The following RBFOX3 variants were observed in gnomAD, a reference collection of about 807,000 sequenced individuals.
The protein encoded by RBFOX3 is RNA binding protein fox-1 homolog 3.
Under a neutral mutation model 48.7 loss-of-function variants are expected in RBFOX3, and 17 were observed. The ratio of observed to expected loss-of-function variants is 0.35; its 90% CI spans 0.24 to 0.52. The LOEUF (loss-of-function observed/expected upper bound fraction) is 0.52, where lower values mean the gene tolerates loss of function less well. Among genes scored for constraint, RBFOX3 ranks in the 20% least tolerant of loss-of-function variants. RBFOX3 has a pLI of 0.94. For synonymous variants in RBFOX3, 212 were observed against 209.5 expected, an observed-to-expected ratio of 1.01 and a Z score of -0.10; for missense variants, 382 against 497.5, an observed-to-expected ratio of 0.77 and a Z score of 2.21.
chr17:79,345,088 T>C (rs1437014871), intron 2 of RBFOX3, among the ~76,000 whole-genome samples: 1 of 152,260 alleles, frequency 6.6e-6, no homozygotes, highest in Non-Finnish European at 1.5e-5. Context: ...GATTATTCTC[T>C]GTTGTTTTTG....
At chr17:79,092,656 A>G (rs905586097) in intron 14 of RBFOX3, 1 of 985,940 alleles carries the variant, frequency 1.0e-6, no homozygotes, top group Non-Finnish European at 1.2e-6. Context: ...AACATCAAAG[A>G]TGAAAAACAG....
the RBFOX3 span, among the ~76,000 whole-genome samples, chr17:79,621,780 C>T: frequency 1.3e-5 from 2 of 152,194 alleles, no homozygotes; most frequent in Non-Finnish European, 2.9e-5. Context: ...ACTGCTAGCA[C>T]GTGTTACTAG....
intron 2 of RBFOX3, among the ~76,000 whole-genome samples, chr17:79,324,872 C>T (rs2079072584): frequency 6.6e-6 from 1 of 152,228 alleles, no homozygotes; most frequent in Non-Finnish European, 1.5e-5. Flanking sequence ...GGCTGAAGAG[C>T]CATGAAATAT....
chr17:79,278,325 G>A (rs1258861142), intron 3 of RBFOX3, among the ~76,000 whole-genome samples: 1 of 152,228 alleles, frequency 6.6e-6, no homozygotes. Flanking sequence ...AATAGCTGAG[G>A]ACCCTGGTTC....
intron 3 of RBFOX3, among the ~76,000 whole-genome samples, chr17:79,271,219 G>A (rs938429380): frequency 5.3e-5 from 8 of 152,158 alleles, no homozygotes; most frequent in East Asian, 1.9e-4. Context: ...GGGATTACAG[G>A]TGCCCGTCAC....
chr17:79,374,384 A>G (rs991178165), intron 2 of RBFOX3, among the ~76,000 whole-genome samples: 1 of 152,226 alleles, frequency 6.6e-6, no homozygotes, highest in African/African-American at 2.4e-5. Flanking sequence ...TCCAGGTAGA[A>G]CAAGGCTGAG....
At chr17:79,258,919 G>A (rs377729969) in intron 3 of RBFOX3, among the ~76,000 whole-genome samples, 4 of 152,198 alleles carry the variant, frequency 2.6e-5, no homozygotes, top group South Asian at 2.1e-4. Context: ...GAAAGGCGCC[G>A]TCCCAGCAAG....
At chr17:79,335,412 C>T (rs1320011336) in intron 2 of RBFOX3, among the ~76,000 whole-genome samples, 2 of 152,194 alleles carry the variant, frequency 1.3e-5, no homozygotes, top group Non-Finnish European at 2.9e-5. Context: ...TTTTCACATG[C>T]ACGTTTTGCT....
At chr17:79,338,572 T>C (rs1477107513) in intron 2 of RBFOX3, among the ~76,000 whole-genome samples, 4 of 152,206 alleles carry the variant, frequency 2.6e-5, no homozygotes, top group African/African-American at 9.7e-5. Flanking sequence ...TGAGAACTTA[T>C]TTATTAAAGA....
intron 3 of RBFOX3, among the ~76,000 whole-genome samples, chr17:79,286,644 C>G (rs1270552829): frequency 6.6e-6 from 1 of 152,230 alleles, no homozygotes; most frequent in African/African-American, 2.4e-5. Flanking sequence ...CTGCATTTCA[C>G]AAGCCTTTTG....
At chr17:79,604,812 CAAA>C (rs2093789267) in intron 1 of RBFOX3, among the ~76,000 whole-genome samples, 1 of 152,160 alleles carries the variant, frequency 6.6e-6, no homozygotes, top group Non-Finnish European at 1.5e-5. Context: ...ATTTTTCCAT[CAAA>C]AATCTCATTG....
intron 1 of RBFOX3, among the ~76,000 whole-genome samples, chr17:79,597,260 T>C (rs1009516469): frequency 2.6e-5 from 4 of 152,116 alleles, no homozygotes; most frequent in African/African-American, 4.8e-5. Context: ...TGGCCTCAAA[T>C]TGGGGAATCT....
chr17:79,322,911 C>T (rs1442633699), intron 2 of RBFOX3, among the ~76,000 whole-genome samples: 2 of 152,232 alleles, frequency 1.3e-5, no homozygotes, highest in African/African-American at 2.4e-5. Context: ...TTGCAAAGCA[C>T]CCAGACAAGC....
the RBFOX3 span, among the ~76,000 whole-genome samples, chr17:79,664,691 G>A: frequency 6.6e-6 from 1 of 152,076 alleles, no homozygotes; most frequent in Admixed American, 6.6e-5. Flanking sequence ...GCATTACCTG[G>A]CCATTGTTGT....
Position 79,094,493 on chromosome 17 carries a change from A to T in RBFOX3, c.1035T>A (p.His345Gln). Residue 345 changes from histidine to glutamine, a missense_variant, in exon 14 of 15, where the codon CAT (histidine) becomes CAA (glutamine). Transcript: ENST00000693108. ...GRVYAAADPY[H>Q]HTIGPAATYS... ...AGGTCGCCGCGGGCCCGATGGTGTG[A>T]TGGTACGGGTCGGCAGCTGCGTAGA... 7.6e-7 allele frequency: 1 copy of T among 1,317,260 alleles called. No individual in the cohort carries two copies. The allele number at this position is 1,317,260 out of a possible 1,614,324, so 81.6% of individuals were successfully genotyped here. A position where few individuals can be genotyped will look rare whatever the true frequency, so the allele number is the denominator to read the frequency against.
At chr17:79,325,121 CT>C (rs1169461651) in intron 2 of RBFOX3, among the ~76,000 whole-genome samples, 2 of 152,254 alleles carry the variant, frequency 1.3e-5, no homozygotes, top group African/African-American at 2.4e-5. Flanking sequence ...AACACCACCC[CT>C]GTGCCCATTC....
intron 4 of RBFOX3, among the ~76,000 whole-genome samples, chr17:79,159,357 G>C (rs1349760064): frequency 6.6e-6 from 1 of 152,130 alleles, no homozygotes; most frequent in African/African-American, 2.4e-5. Context: ...TGGCTCAGGG[G>C]CATGCCTGCC....
chr17:79,592,675 C>A (rs980861499), intron 1 of RBFOX3, among the ~76,000 whole-genome samples: 8 of 152,064 alleles, frequency 5.3e-5, no homozygotes, highest in Admixed American at 2.6e-4. Context: ...CCCAGGACTG[C>A]GGGCTCAGGA....
At chr17:79,104,263 C>A in intron 6 of RBFOX3, 137 bp from the exon 7 acceptor site, 1 of 798,718 alleles carries the variant, frequency 1.3e-6, no homozygotes, top group Non-Finnish European at 2.1e-6. Context: ...GAAAGGAGAC[C>A]GGGGACCCCC....
Sources: allele counts gnomAD v4.1 joint callset (sites outside exome capture counted in the v4.1 genomes callset), GRCh38; gene constraint gnomAD v4.1.1; transcripts MANE v1.5; gene names NCBI Gene and HGNC (gene_info 2026-07-23, HGNC 2026-07-21).